Variants in C1orf94 observed in about 807,000 individuals in gnomAD.
C1orf94 encodes the protein chromosome 1 open reading frame 94.
A neutral mutation model predicts 53.6 loss-of-function variants in C1orf94; 45 were observed. That is an observed-to-expected ratio of 0.84 (90% CI 0.66 to 1.08). C1orf94 has a LOEUF of 1.08. C1orf94 is among the 50% of genes least tolerant of loss of function. The probability of loss-of-function intolerance (pLI) is 0.00; values close to 1 mark genes in which losing one functional copy is unlikely to be tolerated. For missense variants in C1orf94, 762 were observed against 738.9 expected, an observed-to-expected ratio of 1.03 and a Z score of -0.36; for synonymous variants, 304 against 296.1, an observed-to-expected ratio of 1.03 and a Z score of -0.27.
At position 34,185,840 on chromosome 1, in the gene C1orf94, T is replaced by C. The variant is rs933594577; in HGVS notation, c.320+7731T>C. Among the ~76,000 whole-genome samples, 4 of 152,370 alleles carry C rather than the reference T, an allele frequency of 2.6e-5. No homozygotes were observed. The East Asian group carries it at 7.7e-4, about 29-fold the overall frequency. On this transcript the variant is annotated intron_variant, in intron 1 of 6. Coordinates refer to ENST00000488417, the MANE Select transcript of C1orf94 (RefSeq NM_001134734.2). ...CCCTTGGGCCTGGTTTTCAGGGGTCTCTGTAGTGGCCCTGCCTCCATCTCT... is the reference window on the plus strand; with the variant it reads ...CCCTTGGGCCTGGTTTTCAGGGGTCCCTGTAGTGGCCCTGCCTCCATCTCT...
intron 1 of C1orf94, among the ~76,000 whole-genome samples, chr1:34,195,834 C>T (rs1316210371): frequency 6.6e-6 from 1 of 151,316 alleles, no homozygotes; most frequent in Non-Finnish European, 1.5e-5. Flanking sequence ...TAAGCATTAC[C>T]AGGAAGGCAT....
chr1:34,185,089 GA>G (rs542923961), intron 1 of C1orf94, among the ~76,000 whole-genome samples: 7 of 152,280 alleles, frequency 4.6e-5, no homozygotes, highest in South Asian at 4.1e-4. Flanking sequence ...AATGATTTCA[GA>G]GACCCCGTGG....
rs941047434 is a variant in C1orf94, at chr1:34,190,452, T to C, written c.321-6773T>C. 4.6e-5 allele frequency among the ~76,000 whole-genome samples: 7 copies of C among 152,220 alleles called. No homozygotes were observed. In the South Asian group the frequency reaches 6.2e-4, roughly 14 times the overall value. ...TCCACTTGAACATTATTCCCAATGA[T>C]GCACCAAGCTCTTTCCCTCCTCATG... On this transcript the variant is annotated intron_variant, in intron 1 of 6. Coordinates refer to ENST00000488417, the MANE Select transcript of C1orf94 (RefSeq NM_001134734.2).
At chr1:34,171,863 G>A (rs1026704735) in intron 1 of C1orf94, among the ~76,000 whole-genome samples, 2 of 152,300 alleles carry the variant, frequency 1.3e-5, no homozygotes, top group African/African-American at 4.8e-5. Context: ...AGGATACCCA[G>A]TTTTATTGCC....
In C1orf94 at chr1:34,177,111, C is replaced by A. The variant is rs1228468504; in HGVS notation, c.-679C>A. ...GGCTGGGGCAGGGGTCTGCTGGGGG[C>A]CGGGGACTAAGGGCTGTGGGCCCAT... On this transcript the variant is annotated 5_prime_UTR_variant, in exon 1 of 7. Coordinates refer to ENST00000488417, the MANE Select transcript of C1orf94 (RefSeq NM_001134734.2). 6.6e-6 allele frequency among the ~76,000 whole-genome samples: 1 copy of A among 152,218 alleles called. No homozygotes were observed. The highest frequency in any genetic ancestry group is 6.5e-5 in the Admixed American group (1 of 15,286).
chr1:34,193,737 T>C (rs1198832208), intron 1 of C1orf94, among the ~76,000 whole-genome samples: 5 of 152,240 alleles, frequency 3.3e-5, no homozygotes, highest in African/African-American at 7.2e-5. Flanking sequence ...AACACATATA[T>C]GGATGACTGG....
At chr1:34,182,785 T>C (rs900026021) in intron 1 of C1orf94, among the ~76,000 whole-genome samples, 1 of 151,748 alleles carries the variant, frequency 6.6e-6, no homozygotes, top group African/African-American at 2.4e-5. Flanking sequence ...AGGTGGGGAG[T>C]GTAGGGCCTC....
intron 4 of C1orf94, among the ~76,000 whole-genome samples, chr1:34,207,658 C>T (rs1314574696): frequency 2.0e-5 from 3 of 152,170 alleles, no homozygotes; most frequent in South Asian, 4.1e-4. Context: ...GTGTATTTAA[C>T]ATGGATGCAA....
intron 4 of C1orf94, among the ~76,000 whole-genome samples, chr1:34,207,265 GTGTGTGT>G (rs1642815149): frequency 9.0e-4 from 9 of 10,006 alleles, no homozygotes; most frequent in East Asian, 2.4e-3. Flanking sequence ...TCTGCGGGGT[GTGTGTGT>G]GTGTGTGTGT....
At chr1:34,178,834 G>T (rs1571334893) in intron 1 of C1orf94, among the ~76,000 whole-genome samples, 1 of 152,216 alleles carries the variant, frequency 6.6e-6, no homozygotes, top group Admixed American at 6.5e-5. Context: ...ATCTGCTGTG[G>T]TTATTAATAC....
rs1315787555 is a variant in C1orf94, at chr1:34,197,565, G to A, written c.661G>A (p.Gly221Arg). ...TGCCGCCGAGGTCAAGAGCAGCAAG[G>A]GGACAGAGGACAGGGGCCGCATCCT... The part of the protein sequence containing the change: ...LCAAEVKSSK[G>R]TEDRGRILGD... The change falls in exon 2 of 7, where the codon GGG becomes AGG. Residue 221 changes from glycine (G) to arginine (R), a missense_variant. Coordinates refer to ENST00000488417, the MANE Select transcript of C1orf94 (RefSeq NM_001134734.2). This position sits in a 1 kb window ranked among gnomAD's most constrained non-coding sequence, Gnocchi z 4.1. 1 of 1,614,022 alleles carries A rather than the reference G, an allele frequency of 6.2e-7. No individual in the cohort carries two copies. Among genetic ancestry groups the A allele is most frequent in the Admixed American group, 1.7e-5 (1 of 60,004 alleles).
At position 34,177,596 on chromosome 1, in the gene C1orf94, G is replaced by A. The variant is rs1642248635; in HGVS notation, c.-194G>A. The A allele has an allele frequency of 9.3e-6, 5 of 537,376 alleles. No homozygotes were observed. The highest frequency in any genetic ancestry group is 1.6e-5 in the Non-Finnish European group (5 of 305,654). The allele number at this position is 537,376 out of a possible 1,614,324, so 33.3% of individuals were successfully genotyped here. On this transcript the variant is annotated 5_prime_UTR_variant, in exon 1 of 7. Transcript: ENST00000488417. ...TATTTTCTTCTAAGGGAGAGGGGGA[G>A]GGAGGCAAAAGTCAGGAAAGAGCAA...
chr1:34,194,446 G>A (rs1009684687), intron 1 of C1orf94, among the ~76,000 whole-genome samples: 3 of 152,160 alleles, frequency 2.0e-5, no homozygotes. Context: ...CCATCATGGG[G>A]TGATTTTTGG....
At chr1:34,176,385 C>CA (rs1642226837), upstream of C1orf94, among the ~76,000 whole-genome samples, 1 of 152,076 alleles carries the variant, frequency 6.6e-6, no homozygotes, top group African/African-American at 2.4e-5. Context: ...TGTCAGTGCC[C>CA]AATTGAATGA....
intron 1 of C1orf94, among the ~76,000 whole-genome samples, chr1:34,169,762 C>T (rs1027539508): frequency 3.3e-5 from 5 of 152,188 alleles, no homozygotes; most frequent in African/African-American, 1.2e-4. Flanking sequence ...AAATGGGGCA[C>T]AATTTTAAAA....
chr1:34,189,686 C>T (rs527452665), intron 1 of C1orf94, among the ~76,000 whole-genome samples: 7 of 152,172 alleles, frequency 4.6e-5, no homozygotes, highest in African/African-American at 2.4e-5. Flanking sequence ...TGATAAGGGG[C>T]CTCTCCTAGC....
rs1374503986 is a variant in C1orf94, at chr1:34,168,762, C to G, written c.-251+1591C>G. 2.0e-5 allele frequency among the ~76,000 whole-genome samples: 3 copies of G among 152,116 alleles called. 1 individual carries two copies. Among genetic ancestry groups the G allele is most frequent in the Admixed American group, 2.0e-4 (3 of 15,266 alleles). ...TGTGTCCAAACTTCTAATCAGGACA[C>G]CAGTCATACTGGATTAAGGCCCAAC... On this transcript the variant is annotated intron_variant, in intron 1 of 6. Coordinates refer to the C1orf94 transcript ENST00000373374.
chr1:34,201,903 G>A (rs985566452), intron 3 of C1orf94, among the ~76,000 whole-genome samples, 181 bp from the exon 4 acceptor site: 1 of 152,208 alleles, frequency 6.6e-6, no homozygotes, highest in Non-Finnish European at 1.5e-5. Context: ...AACTGGCAAG[G>A]TGTGAACTAA....
intron 2 of C1orf94, among the ~76,000 whole-genome samples, chr1:34,199,720 A>C (rs760889603): frequency 6.6e-6 from 1 of 152,190 alleles, no homozygotes; most frequent in Admixed American, 6.5e-5. Context: ...GTATGTCTGC[A>C]TTGGGAGAAT....
Sources: gnomAD v4.1 joint callset for allele counts (sites outside exome capture counted in the v4.1 genomes callset) on GRCh38, gnomAD v4.1.1 for gene constraint, Gnocchi (gnomAD v3.1) non-coding constraint, MANE v1.5 for transcripts, NCBI Gene and HGNC (gene_info 2026-07-23, HGNC 2026-07-21) for gene names.